The following NUDT12 variants were observed in gnomAD, a reference collection of about 807,000 sequenced individuals.
The protein encoded by NUDT12 is nudix hydrolase 12.
A neutral mutation model predicts 45.7 loss-of-function variants in NUDT12; 42 were observed. That is an observed-to-expected ratio of 0.92 (90% CI 0.72 to 1.19). The LOEUF (loss-of-function observed/expected upper bound fraction) is 1.19. Among genes scored for constraint, NUDT12 ranks in the 50% most tolerant of loss-of-function variants. NUDT12 has a pLI of 0.00. For missense variants in NUDT12, 590 were observed against 533.1 expected, an observed-to-expected ratio of 1.11 and a Z score of -1.05; for synonymous variants, 206 against 179.7, an observed-to-expected ratio of 1.15 and a Z score of -1.17.
At chr5:103,562,288 G>A (rs1476516894) in intron 1 of NUDT12, among the ~76,000 whole-genome samples, 2 of 152,074 alleles carry the variant, frequency 1.3e-5, no homozygotes, top group African/African-American at 2.4e-5. Flanking sequence ...TGAAATCACT[G>A]ACCATCAATT....
intron 5 of NUDT12, among the ~76,000 whole-genome samples, chr5:103,553,262 T>C (rs1000896426): frequency 6.6e-6 from 1 of 151,990 alleles, no homozygotes; most frequent in African/African-American, 2.4e-5. Flanking sequence ...GATTAGCATA[T>C]GCTACATATT....
Position 103,552,231 on chromosome 5 carries a change from AC to A in NUDT12, c.1263del (p.Trp421CysfsTer11). ...VDKNEIEDAR[W>X]FTREQVLDVL... Reference sequence around the variant, plus strand: ...TTGAACTTTACCTGTTCTCTAGTGAACCAGCGGGCATCCTCTATTTCATTCT... The same window carrying A: ...TTGAACTTTACCTGTTCTCTAGTGAACAGCGGGCATCCTCTATTTCATTCT... On this transcript the variant is annotated frameshift_variant, in exon 6 of 7. Coordinates refer to ENST00000230792, the MANE Select transcript of NUDT12 (RefSeq NM_031438.4). LOFTEE classifies it high-confidence loss of function. 1 of 1,613,252 alleles carries A rather than the reference AC, an allele frequency of 6.2e-7. No individual in the cohort carries two copies. Among genetic ancestry groups the A allele is most frequent in the Non-Finnish European group, 8.5e-7 (1 of 1,179,284 alleles).
chr5:103,553,658 G>A (rs538443037), intron 5 of NUDT12, among the ~76,000 whole-genome samples: 222 of 152,118 alleles, frequency 1.5e-3, no homozygotes, highest in African/African-American at 4.9e-3. Flanking sequence ...ATGTGCACAA[G>A]GAGAAGTATA....
At chr5:103,550,997 T>G (rs1748640443) in intron 6 of NUDT12, 26 bp from the exon 7 acceptor site, 1 of 1,496,724 alleles carries the variant, frequency 6.7e-7, no homozygotes, top group Non-Finnish European at 9.3e-7. Context: ...ATAGAATGCA[T>G]TAGGATTTCA....
intron 1 of NUDT12, among the ~76,000 whole-genome samples, chr5:103,561,243 C>A (rs1308548443): frequency 6.6e-6 from 1 of 152,024 alleles, no homozygotes; most frequent in African/African-American, 2.4e-5. Context: ...GCTAAAAAGA[C>A]AGAAAGGTTA....
chr5:103,560,852 A>C (rs1478257265), intron 1 of NUDT12, among the ~76,000 whole-genome samples: 1 of 152,148 alleles, frequency 6.6e-6, no homozygotes, highest in African/African-American at 2.4e-5. Flanking sequence ...AAATCAGATG[A>C]TCATATATTT....
At chr5:103,560,932 ATTAACT>A (rs528184617) in intron 1 of NUDT12, among the ~76,000 whole-genome samples, 89 of 152,182 alleles carry the variant, frequency 5.8e-4, no homozygotes, top group African/African-American at 1.8e-3. Flanking sequence ...TTTAAAACTC[ATTAACT>A]TTATCTGCTT....
At chr5:103,559,796 T>C (rs1357789478) in intron 2 of NUDT12, 2 of 521,398 alleles carry the variant, frequency 3.8e-6, no homozygotes, top group Non-Finnish European at 3.4e-6. Flanking sequence ...GCATTTTCTA[T>C]TTGGGAGGAA....
At chr5:103,556,175 G>T in intron 3 of NUDT12, 77 bp from the exon 4 acceptor site, 1 of 1,049,608 alleles carries the variant, frequency 9.5e-7, no homozygotes, top group Non-Finnish European at 1.3e-6. Flanking sequence ...ATGTTCTCAA[G>T]CTACAATAAG....
At position 103,562,750 on chromosome 5, in the gene NUDT12, G is replaced by A. The variant is rs939646616; in HGVS notation, c.-54C>T. On this transcript the variant is annotated 5_prime_UTR_variant, in exon 1 of 7. Coordinates refer to ENST00000230792, the MANE Select transcript of NUDT12 (RefSeq NM_031438.4). Reference sequence around the variant, plus strand: ...CAACCAGGATGCAGTCCAAAGATTGGGATATCCCACTCGCTTTTCCTGGAG... The same window carrying A: ...CAACCAGGATGCAGTCCAAAGATTGAGATATCCCACTCGCTTTTCCTGGAG... The A allele has an allele frequency of 1.5e-5, 2 of 131,646 alleles. No homozygotes were observed. The highest frequency in any genetic ancestry group is 3.3e-5 in the Non-Finnish European group (2 of 61,066). 8.2% of individuals were successfully genotyped at this position (131,646 alleles called of 1,614,324 possible). A position where few individuals can be genotyped will look rare whatever the true frequency, so the allele number is the denominator to read the frequency against.
Position 103,560,228 on chromosome 5 carries a change from ACTT to A in NUDT12, c.18_20del (p.Arg6del), listed in dbSNP as rs780416360. 9.3e-6 allele frequency: 15 copies of A among 1,613,402 alleles called. No individual in the cohort carries two copies. Among genetic ancestry groups the A allele is most frequent in the Non-Finnish European group, 1.3e-5 (15 of 1,179,422 alleles). On this transcript the variant is annotated inframe_deletion, in exon 2 of 7. Transcript: ENST00000230792. ...ACTGAGTAACTATTTCTTGCTTCAG[ACTT>A]CTTTTTACAGAAGACATTTCTTCCT...
chr5:103,557,190 T>C (rs913404295), intron 3 of NUDT12, among the ~76,000 whole-genome samples: 12 of 150,044 alleles, frequency 8.0e-5, no homozygotes, highest in Admixed American at 3.3e-4. Context: ...TGTAAACTTA[T>C]AGAGCAAGTG....
At position 103,550,784 on chromosome 5, in the gene NUDT12, G is replaced by C; in HGVS notation, c.*77C>G. ...GTGTTGTGACACTCTCAAGAGTACT[G>C]AATAATCTCTAATATCACTTGAGGA... On this transcript the variant is annotated 3_prime_UTR_variant, in exon 7 of 7. Coordinates refer to ENST00000230792, the MANE Select transcript of NUDT12 (RefSeq NM_031438.4). 1 of 1,023,806 alleles carries C rather than the reference G, an allele frequency of 9.8e-7. No homozygotes were observed. The highest frequency in any genetic ancestry group is 2.2e-4 in the Middle Eastern group (1 of 4,632). The allele number at this position is 1,023,806 out of a possible 1,614,324, so 63.4% of individuals were successfully genotyped here.
intron 1 of NUDT12, among the ~76,000 whole-genome samples, chr5:103,560,664 A>G (rs1749004863): frequency 6.6e-6 from 1 of 152,188 alleles, no homozygotes. Flanking sequence ...TTTCACAGGA[A>G]AACAGTTTAT....
At chr5:103,551,288 A>C (rs962720260) in intron 6 of NUDT12, among the ~76,000 whole-genome samples, 6 of 151,914 alleles carry the variant, frequency 3.9e-5, no homozygotes, top group Admixed American at 1.3e-4. Flanking sequence ...CTTTTTAAAA[A>C]TTATCTGTAG....
At position 103,548,950 on chromosome 5, in the gene NUDT12, T is replaced by C. The variant is rs1748567439; in HGVS notation, c.*1911A>G. 6.6e-6 allele frequency: 1 copy of C among 152,146 alleles called. No individual in the cohort carries two copies. The highest frequency in any genetic ancestry group is 2.1e-4 in the South Asian group (1 of 4,834). The allele number at this position is 152,146 out of a possible 1,614,324, so 9.4% of individuals were successfully genotyped here. On this transcript the variant is annotated 3_prime_UTR_variant, in exon 7 of 7. Coordinates refer to ENST00000230792, the MANE Select transcript of NUDT12 (RefSeq NM_031438.4). ...ACTATTCTTTTGAACTGGCCATTCC[T>C]TCTATTTACATAGCTTTTCACCTCT...
rs1374941464 is a variant in NUDT12 at position 103,549,325 on chromosome 5, T to C, written c.*1536A>G. On this transcript the variant is annotated 3_prime_UTR_variant, in exon 7 of 7. Coordinates refer to ENST00000230792, the MANE Select transcript of NUDT12 (RefSeq NM_031438.4). ...TTTAAATTCTTGATACCAATAAGCC[T>C]TCATCAATTCCTAAGAAAATCACTG... is the stretch of plus-strand genomic sequence containing the variant. 6.6e-6 allele frequency: 1 copy of C among 152,128 alleles called. No individual in the cohort carries two copies. Among genetic ancestry groups the C allele is most frequent in the Non-Finnish European group, 1.5e-5 (1 of 67,888 alleles). 9.4% of individuals were successfully genotyped at this position (152,128 alleles called of 1,614,324 possible).
rs1411736600 is a variant in NUDT12, at chr5:103,562,740, C to G, written c.-44G>C. 1 of 138,230 alleles carries G rather than the reference C, an allele frequency of 7.2e-6. No individual in the cohort carries two copies. The highest frequency in any genetic ancestry group is 1.5e-5 in the Non-Finnish European group (1 of 64,550). The allele number at this position is 138,230 out of a possible 1,614,324, so 8.6% of individuals were successfully genotyped here. A position where few individuals can be genotyped will look rare whatever the true frequency, so the allele number is the denominator to read the frequency against. On this transcript the variant is annotated 5_prime_UTR_variant, in exon 1 of 7. Transcript: ENST00000230792. Reference sequence around the variant, plus strand: ...ACAGTAGAGGCAACCAGGATGCAGTCCAAAGATTGGGATATCCCACTCGCT... The same window carrying G: ...ACAGTAGAGGCAACCAGGATGCAGTGCAAAGATTGGGATATCCCACTCGCT...
chr5:103,555,959 G>A lies in NUDT12; in HGVS notation c.936C>T (p.Gly312=), dbSNP rs1306245214. The A allele has an allele frequency of 3.7e-6, 6 of 1,602,624 alleles. No individual in the cohort carries two copies. The highest frequency in any genetic ancestry group is 5.1e-6 in the Non-Finnish European group (6 of 1,174,274). The change falls in exon 4 of 7, where the codon GGC becomes GGT. Residue 312 remains glycine (G), a synonymous_variant. Coordinates refer to ENST00000230792, the MANE Select transcript of NUDT12 (RefSeq NM_031438.4). ...CTCTTGGGTATGAGGTATTATGGAC[G>A]CCATTGAGACTAGGACAGTCTTCTT... ...CLKEDCPSLN[G]VHNTSYPRVD...
Sources: gnomAD v4.1 joint callset for allele counts (sites outside exome capture counted in the v4.1 genomes callset) on GRCh38, gnomAD v4.1.1 for gene constraint, MANE v1.5 for transcripts, NCBI Gene and HGNC (gene_info 2026-07-23, HGNC 2026-07-21) for gene names.